The following NAPB variants were observed in gnomAD, a reference collection of about 807,000 sequenced individuals.
NAPB encodes the protein beta-soluble NSF attachment protein.
In NAPB, 26 loss-of-function variants were observed where a neutral mutation model predicts 44.7. The ratio of observed to expected loss-of-function variants is 0.58; its 90% CI spans 0.43 to 0.81. The LOEUF is 0.81. Ranked by LOEUF, NAPB falls within the 30% of genes least tolerant of loss-of-function variation. The pLI, the probability that NAPB is intolerant of heterozygous loss-of-function variation, is 0.00. For missense variants in NAPB, 315 were observed against 356.4 expected (o/e 0.88, Z 0.94); for synonymous variants, 120 against 116.8 (o/e 1.03, Z -0.18).
intron 2 of NAPB, among the ~76,000 whole-genome samples, chr20:23,398,854 ATT>A (rs34074566): frequency 1.4e-4 from 13 of 90,428 alleles, no homozygotes; most frequent in East Asian, 3.8e-4. Flanking sequence ...CAAAAAAAAA[ATT>A]TTTTTTTTTT....
chr20:23,406,159 A>T (rs962728941), intron 1 of NAPB, among the ~76,000 whole-genome samples: 6 of 152,154 alleles, frequency 3.9e-5, no homozygotes, highest in Admixed American at 1.3e-4. Context: ...TGGTGCCTTG[A>T]TCTCAGACTT....
intron 5 of NAPB, among the ~76,000 whole-genome samples, chr20:23,392,822 C>CA (rs1288683524): frequency 1.4e-5 from 2 of 147,826 alleles, no homozygotes; most frequent in Non-Finnish European, 3.0e-5. Context: ...TGTACCTGGC[C>CA]TTTTTTTTTT....
intron 1 of NAPB, among the ~76,000 whole-genome samples, chr20:23,408,232 G>C (rs567835998): frequency 6.6e-6 from 1 of 152,298 alleles, no homozygotes; most frequent in South Asian, 2.1e-4. Context: ...GGGAGCCTGG[G>C]GGGATCCCCA....
intron 1 of NAPB, among the ~76,000 whole-genome samples, chr20:23,411,889 C>A (rs73901861): frequency 0.02 from 3,081 of 152,152 alleles, 85 homozygotes; most frequent in African/African-American, 0.071. Context: ...AGTAGTATGA[C>A]AGTTAAGAAC....
At position 23,379,776 on chromosome 20, in the gene NAPB, G is replaced by C. The variant is rs73901818; in HGVS notation, c.735+91C>G. Reference sequence around the variant, plus strand: ...GGCCCCTCAGTTAGCAGACTTTATAGATTAAAACTTCACTTCATACCCAAT... The same window carrying C: ...GGCCCCTCAGTTAGCAGACTTTATACATTAAAACTTCACTTCATACCCAAT... On this transcript the variant is annotated intron_variant, in intron 9 of 10. Transcript: ENST00000377026. 4,939 of 966,432 alleles carry C rather than the reference G, an allele frequency of 5.1e-3. 126 individuals carry two copies. In the African/African-American group the frequency reaches 0.07, roughly 14 times the overall value. The allele number at this position is 966,432 out of a possible 1,614,324, so 59.9% of individuals were successfully genotyped here. A position where few individuals can be genotyped will look rare whatever the true frequency, so the allele number is the denominator to read the frequency against.
At chr20:23,402,015 A>C (rs6048784) in intron 2 of NAPB, among the ~76,000 whole-genome samples, 2 of 152,134 alleles carry the variant, frequency 1.3e-5, no homozygotes, top group Non-Finnish European at 2.9e-5. Flanking sequence ...TGTTTTCTCC[A>C]CCATTTTAAA....
At chr20:23,407,957 G>A (rs1985369987) in intron 1 of NAPB, among the ~76,000 whole-genome samples, 1 of 152,180 alleles carries the variant, frequency 6.6e-6, no homozygotes, top group African/African-American at 2.4e-5. Flanking sequence ...GTGGGAGGAA[G>A]GAGACATCGT....
chr20:23,421,000 G>A (rs1986376891), intron 1 of NAPB, among the ~76,000 whole-genome samples: 1 of 151,356 alleles, frequency 6.6e-6, no homozygotes, highest in South Asian at 2.1e-4. Context: ...GGCCCTAGGG[G>A]GTCTCTAAAG....
At chr20:23,394,389 C>T (rs1228288026) in intron 5 of NAPB, among the ~76,000 whole-genome samples, 1 of 152,070 alleles carries the variant, frequency 6.6e-6, no homozygotes, top group South Asian at 2.1e-4. Context: ...TGTAGTTTAG[C>T]GGGGAACACT....
At chr20:23,410,195 T>A (rs1372169088) in intron 1 of NAPB, among the ~76,000 whole-genome samples, 1 of 152,112 alleles carries the variant, frequency 6.6e-6, no homozygotes, top group Non-Finnish European at 1.5e-5. Context: ...GAATTAGAAG[T>A]CACACAAACC....
rs565923925 is a variant in NAPB at position 23,374,655 on chromosome 20, C to T, written c.*2721G>A. 1.3e-5 allele frequency: 2 copies of T among 152,130 alleles called. No homozygotes were observed. The highest frequency in any genetic ancestry group is 2.9e-5 in the Non-Finnish European group (2 of 68,018). The allele number at this position is 152,130 out of a possible 1,614,324, so 9.4% of individuals were successfully genotyped here. ...ATAGCTCATACCACAGCAGGCAGGT[C>T]ACGGGGGCATGCTGTGCTGCCAAGT... On this transcript the variant is annotated 3_prime_UTR_variant, in exon 11 of 11. Transcript: ENST00000377026.
At chr20:23,388,616 A>C (rs116439895) in intron 7 of NAPB, among the ~76,000 whole-genome samples, 1 of 152,210 alleles carries the variant, frequency 6.6e-6, no homozygotes, top group African/African-American at 2.4e-5. Context: ...TCATATGGTG[A>C]AATAATTTTC....
At chr20:23,408,280 C>T (rs1985399614) in intron 1 of NAPB, among the ~76,000 whole-genome samples, 1 of 152,164 alleles carries the variant, frequency 6.6e-6, no homozygotes, top group South Asian at 2.1e-4. Flanking sequence ...TATTTACCAG[C>T]AGTATCTCCT....
chr20:23,389,873 C>G, intron 7 of NAPB, 73 bp downstream of exon 7: 1 of 1,337,314 alleles, frequency 7.5e-7, no homozygotes, highest in Non-Finnish European at 1.1e-6. Context: ...TCTCAATAAA[C>G]AGAAAAATAA....
intron 7 of NAPB, among the ~76,000 whole-genome samples, chr20:23,385,785 A>G (rs917645447): frequency 2.7e-5 from 4 of 150,708 alleles, no homozygotes; most frequent in South Asian, 2.1e-4. Context: ...GAGAGAGAGA[A>G]AGAGAAAGAA....
At chr20:23,381,115 G>C (rs1024075742) in intron 8 of NAPB, 98 bp downstream of exon 8, 6 of 820,768 alleles carry the variant, frequency 7.3e-6, no homozygotes, top group African/African-American at 3.4e-5. Flanking sequence ...GTTTATTCTT[G>C]GTACTAACAT....
chr20:23,394,857 A>C, intron 5 of NAPB, 65 bp downstream of exon 5: 1 of 1,472,916 alleles, frequency 6.8e-7, no homozygotes, highest in East Asian at 2.3e-5. Context: ...GACTGAGGAG[A>C]GGAGAGTTCT....
chr20:23,388,916 G>C (rs1983731080), intron 7 of NAPB, among the ~76,000 whole-genome samples: 1 of 152,042 alleles, frequency 6.6e-6, no homozygotes, highest in South Asian at 2.1e-4. Flanking sequence ...TCAAAAATAT[G>C]AAAGACTTCA....
intron 1 of NAPB, among the ~76,000 whole-genome samples, chr20:23,404,763 T>C (rs1210095378): frequency 6.6e-6 from 1 of 152,178 alleles, no homozygotes; most frequent in Non-Finnish European, 1.5e-5. Context: ...GGAACATGTA[T>C]CTAGAATAAA....
Sources: gnomAD v4.1 joint callset for allele counts (sites outside exome capture counted in the v4.1 genomes callset) on GRCh38, gnomAD v4.1.1 for gene constraint, MANE v1.5 for transcripts, NCBI Gene and HGNC (gene_info 2026-07-23, HGNC 2026-07-21) for gene names.